AGBL4: variants seen among roughly 807,000 people sequenced by gnomAD.
AGBL4 encodes the protein cytosolic carboxypeptidase 6.
A neutral mutation model predicts 66.4 loss-of-function variants in AGBL4; 58 were observed. The ratio of observed to expected loss-of-function variants is 0.87; its 90% confidence interval spans 0.71 to 1.09. The LOEUF is 1.09. Ranked by LOEUF, AGBL4 falls within the 50% of genes least tolerant of loss-of-function variation. The pLI is 0.00. For missense variants in AGBL4, 579 were observed against 631.0 expected (o/e 0.92, Z 0.88); for synonymous variants, 234 against 222.9 (o/e 1.05, Z -0.44).
intron 8 of AGBL4, among the ~76,000 whole-genome samples, chr1:48,640,032 C>T (rs1645729710): frequency 6.6e-6 from 1 of 152,142 alleles, no homozygotes. Context: ...GGGTCCCTGC[C>T]CTGAGTCTCT....
intron 6 of AGBL4, among the ~76,000 whole-genome samples, chr1:48,737,271 G>A (rs1180168827): frequency 6.6e-6 from 1 of 152,078 alleles, no homozygotes; most frequent in African/African-American, 2.4e-5. Flanking sequence ...GAGACAGAGC[G>A]AGACTCCGTC....
At chr1:49,040,857 C>G (rs771691110) in intron 5 of AGBL4, among the ~76,000 whole-genome samples, 2 of 152,028 alleles carry the variant, frequency 1.3e-5, no homozygotes, top group African/African-American at 4.8e-5. Flanking sequence ...TTACACAACT[C>G]TATAAAAATC....
intron 6 of AGBL4, among the ~76,000 whole-genome samples, chr1:48,737,795 AAC>A (rs756161898): frequency 2.6e-5 from 4 of 152,348 alleles, no homozygotes; most frequent in Non-Finnish European, 4.4e-5. Flanking sequence ...TCATTAAAAA[AAC>A]AGTGTTCACT....
chr1:50,000,287 G>A (rs1157191072), intron 1 of AGBL4, among the ~76,000 whole-genome samples: 1 of 152,118 alleles, frequency 6.6e-6, no homozygotes, highest in Non-Finnish European at 1.5e-5. Context: ...ATCAAAAGAA[G>A]ATATACATAC....
intron 6 of AGBL4, among the ~76,000 whole-genome samples, chr1:48,682,895 C>T (rs939770445): frequency 6.6e-6 from 1 of 152,034 alleles, no homozygotes; most frequent in Non-Finnish European, 1.5e-5. Context: ...GGTGGGAAAC[C>T]CAGTGAGATA....
At chr1:49,491,102 T>C (rs1647177057) in intron 3 of AGBL4, among the ~76,000 whole-genome samples, 1 of 151,838 alleles carries the variant, frequency 6.6e-6, no homozygotes, top group African/African-American at 2.4e-5. Context: ...GTTGAATGAA[T>C]GACCTAATGT....
At chr1:48,871,810 C>A (rs928705464) in intron 5 of AGBL4, among the ~76,000 whole-genome samples, 1 of 152,000 alleles carries the variant, frequency 6.6e-6, no homozygotes. Context: ...CAGGAATTAT[C>A]CATTATTCCC....
intron 3 of AGBL4, among the ~76,000 whole-genome samples, chr1:49,282,725 G>A (rs1285766018): frequency 1.3e-5 from 2 of 152,218 alleles, no homozygotes; most frequent in Admixed American, 1.3e-4. Flanking sequence ...CAAGGGGTCA[G>A]GGAGTTCCCT....
chr1:48,564,854 T>C (rs1185601288), intron 11 of AGBL4, among the ~76,000 whole-genome samples: 1 of 152,186 alleles, frequency 6.6e-6, no homozygotes, highest in Non-Finnish European at 1.5e-5. Context: ...CACCAGTTGA[T>C]GACTGTTGAT....
chr1:49,558,197 A>G (rs1267879379), intron 3 of AGBL4, among the ~76,000 whole-genome samples: 1 of 152,046 alleles, frequency 6.6e-6, no homozygotes, highest in Admixed American at 6.6e-5. Flanking sequence ...CCAGCACATT[A>G]CCACCTGTGG....
intron 2 of AGBL4, among the ~76,000 whole-genome samples, chr1:49,802,318 A>G (rs551217830): frequency 6.6e-6 from 1 of 152,288 alleles, no homozygotes; most frequent in African/African-American, 2.4e-5. Context: ...TCATCTTGCC[A>G]CAGCTCTTCT....
At chr1:49,457,448 T>G (rs1459806998) in intron 3 of AGBL4, among the ~76,000 whole-genome samples, 1 of 151,930 alleles carries the variant, frequency 6.6e-6, no homozygotes, top group Non-Finnish European at 1.5e-5. Flanking sequence ...TCTATGTATA[T>G]TCTGGATATT....
At chr1:49,596,333 T>C (rs1469685621) in intron 3 of AGBL4, among the ~76,000 whole-genome samples, 4 of 152,058 alleles carry the variant, frequency 2.6e-5, no homozygotes, top group African/African-American at 4.8e-5. Context: ...CCATGCCCAA[T>C]TGATTCTTGT....
At chr1:49,449,747 G>A (rs191710982) in intron 3 of AGBL4, among the ~76,000 whole-genome samples, 8 of 151,978 alleles carry the variant, frequency 5.3e-5, no homozygotes, top group East Asian at 1.9e-4. Context: ...ATACATTTCC[G>A]GTTTCATCTA....
At chr1:49,853,094 TG>T (rs1244215400) in intron 1 of AGBL4, among the ~76,000 whole-genome samples, 1 of 152,142 alleles carries the variant, frequency 6.6e-6, no homozygotes, top group Non-Finnish European at 1.5e-5. Context: ...TAAAAAATTG[TG>T]AGACATAGCC....
At chr1:48,604,667 CT>C (rs1484353932) in intron 9 of AGBL4, among the ~76,000 whole-genome samples, 1 of 152,114 alleles carries the variant, frequency 6.6e-6, no homozygotes, top group Non-Finnish European at 1.5e-5. Flanking sequence ...CTTAGGCCCT[CT>C]ATTACAATGT....
chr1:48,949,863 A>G (rs916959789), intron 5 of AGBL4, among the ~76,000 whole-genome samples: 6 of 152,180 alleles, frequency 3.9e-5, no homozygotes, highest in Non-Finnish European at 7.3e-5. Context: ...TGAACATTTT[A>G]AATTACTGAA....
chr1:49,289,126 A>G (rs34201294), intron 3 of AGBL4, among the ~76,000 whole-genome samples: 14,051 of 152,154 alleles, frequency 0.092, 893 homozygotes, highest in East Asian at 0.31. Context: ...TATAATGAAT[A>G]TTTTTGGCAA....
intron 3 of AGBL4, among the ~76,000 whole-genome samples, chr1:49,373,955 A>T: frequency 6.6e-6 from 1 of 152,120 alleles, no homozygotes; most frequent in East Asian, 1.9e-4. Context: ...AATTGAAGGC[A>T]TGCTTTTTAA....
Sources: allele counts gnomAD v4.1 joint callset (sites outside exome capture counted in the v4.1 genomes callset), GRCh38; gene constraint gnomAD v4.1.1; transcripts MANE v1.5; gene names NCBI Gene and HGNC (gene_info 2026-07-23, HGNC 2026-07-21).